SPG11: variants seen among roughly 807,000 people sequenced by gnomAD.
SPG11 encodes spatacsin.
In SPG11, 222 loss-of-function variants were observed where a neutral mutation model predicts 274.0. The observed-to-expected ratio is 0.81, with a 90% confidence interval of 0.73 to 0.91. The LOEUF is 0.91. Ranked by LOEUF, SPG11 falls within the 40% of genes least tolerant of loss-of-function variation. The pLI is 0.00. For missense variants in SPG11, 3,114 were observed against 2,872.7 expected (o/e 1.08, Z -1.92); for synonymous variants, 1,144 against 1,039.7 (o/e 1.10, Z -1.93).
intron 37 of SPG11, 55 bp from the exon 38 acceptor site, chr15:44,566,064 G>T: frequency 6.2e-7 from 1 of 1,607,700 alleles, no homozygotes; most frequent in Admixed American, 1.7e-5. Flanking sequence ...GTCACCTCCT[G>T]TGTGAACCCT....
chr15:44,581,060 GA>G (rs981786082), intron 30 of SPG11, among the ~76,000 whole-genome samples: 2 of 148,682 alleles, frequency 1.3e-5, no homozygotes, highest in Non-Finnish European at 3.0e-5. Flanking sequence ...ACCAACAACA[GA>G]AAAAAAAACA....
rs769665532 is a variant in SPG11 at position 44,598,286 on chromosome 15, A to G, written c.3980T>C (p.Ile1327Thr). The change falls in exon 23 of 40, where the codon ATT becomes ACT. Residue 1327 changes from isoleucine (I) to threonine (T), a missense_variant. Transcript: ENST00000261866. ...AAACCTCTTTATTTCCTGTTGCTGA[A>G]TGCTGTTCCATGTACCTTCTTCTAA... ...VLLEEGTWNS[I>T]QQQEIKRLSS... is the part of the protein sequence containing the mutation. 2.8e-5 allele frequency: 45 copies of G among 1,613,564 alleles called. No homozygotes were observed. Among genetic ancestry groups the G allele is most frequent in the Non-Finnish European group, 3.7e-5 (44 of 1,179,594 alleles).
intron 28 of SPG11, 133 bp from the exon 29 acceptor site, chr15:44,585,983 GTTT>G (rs71111868): frequency 4.2e-3 from 1,392 of 333,668 alleles, no homozygotes; most frequent in Middle Eastern, 9.4e-3. Context: ...ATAAAAAGCT[GTTT>G]TTTTTTTTTT....
At chr15:44,575,475 C>T (rs557324334) in intron 30 of SPG11, among the ~76,000 whole-genome samples, 1 of 151,886 alleles carries the variant, frequency 6.6e-6, no homozygotes, top group Non-Finnish European at 1.5e-5. Flanking sequence ...CCCTCACCCC[C>T]AGTCGGTCTC....
intron 27 of SPG11, among the ~76,000 whole-genome samples, chr15:44,592,092 C>G (rs991540441): frequency 1.4e-5 from 2 of 142,358 alleles, no homozygotes; most frequent in African/African-American, 5.3e-5. Context: ...GCCTGGGCGA[C>G]AGAGCCAGAC....
chr15:44,573,514 A>G (rs776910502), intron 32 of SPG11, 33 bp downstream of exon 32: 112 of 1,609,810 alleles, frequency 7.0e-5, no homozygotes, highest in Non-Finnish European at 9.4e-5. Flanking sequence ...GAATGCTGTC[A>G]GAGAGGTTGG....
rs2140999797 is a variant in SPG11 at position 44,608,567 on chromosome 15, TTTC to T, written c.3327_3329del (p.Lys1110del). The T allele has an allele frequency of 6.2e-7, 1 of 1,614,106 alleles. No individual in the cohort carries two copies. On this transcript the variant is annotated inframe_deletion, in exon 19 of 40. Transcript: ENST00000261866. ...CCATCTTCAATAGCTGGGGATCCAC[TTTC>T]TTCAAACAGTTTTCATTTTCTTCAT... is the stretch of plus-strand genomic sequence containing the variant.
rs1425744386 is a variant in SPG11 at position 44,596,788 on chromosome 15, G to A, written c.4157C>T (p.Ala1386Val). The change falls in exon 24 of 40, where the codon GCA becomes GTA. Residue 1386 changes from alanine (A) to valine (V), a missense_variant. By Grantham distance (64) the Ala-to-Val change is moderately conservative. Transcript: ENST00000261866. ...TGCTAACAATTAGTGGCTTACCTCT[G>A]CTGGGTGGTAGTTGTGGAGTTGGCT... ...IHSQLHNYHPAEVKSLIQYFS... is the reference protein window; with the variant it reads ...IHSQLHNYHPVEVKSLIQYFS... The A allele has an allele frequency of 2.5e-6, 4 of 1,612,856 alleles. No individual in the cohort carries two copies. The East Asian group carries it at 8.9e-5, about 36-fold the overall frequency.
At chr15:44,573,516 A>G in intron 32 of SPG11, 31 bp downstream of exon 32, 1 of 1,611,236 alleles carries the variant, frequency 6.2e-7, no homozygotes, top group Non-Finnish European at 8.5e-7. Context: ...ATGCTGTCAG[A>G]GAGGTTGGGA....
intron 7 of SPG11, among the ~76,000 whole-genome samples, chr15:44,641,482 A>T (rs1298792240): frequency 6.6e-6 from 1 of 152,010 alleles, no homozygotes; most frequent in Non-Finnish European, 1.5e-5. Context: ...TATCTAGAGA[A>T]TATCCAACAC....
intron 21 of SPG11, 168 bp downstream of exon 21, chr15:44,600,299 G>T: frequency 8.1e-5 from 53 of 650,398 alleles, no homozygotes; most frequent in Non-Finnish European, 1.1e-4. Flanking sequence ...TACTTTTTTT[G>T]TTTTAGTGGC....
chr15:44,662,048 T>C (rs940202970), intron 1 of SPG11, among the ~76,000 whole-genome samples: 1 of 152,196 alleles, frequency 6.6e-6, no homozygotes, highest in Non-Finnish European at 1.5e-5. Flanking sequence ...CCTAAAGATT[T>C]CGGCTTTTCT....
chr15:44,660,493 T>C lies in SPG11; in HGVS notation c.381A>G (p.Ala127=), dbSNP rs369234511. The part of the protein sequence containing the change: ...EFNLKDGRCD[A]TILYSCSREA... The stretch of plus-strand genomic sequence containing the variant: ...CCCTACTACAGCTATACAAAATGGT[T>C]GCATCACATCTTCCATCTTTCAAAT... Residue 127 remains alanine, a synonymous_variant, in exon 2 of 40, where the codon GCA becomes GCG. Coordinates refer to ENST00000261866, the MANE Select transcript of SPG11 (RefSeq NM_025137.4). The C allele has an allele frequency of 8.5e-5, 137 of 1,614,160 alleles. No homozygotes were observed. The highest frequency in any genetic ancestry group is 1.2e-4 in the Admixed American group (7 of 60,034).
chr15:44,628,606 C>A, intron 10 of SPG11, 63 bp downstream of exon 10: 1 of 1,427,978 alleles, frequency 7.0e-7, no homozygotes, highest in Non-Finnish European at 9.8e-7. Context: ...CTGTTTCTTT[C>A]TATTGTTTTC....
At chr15:44,631,691 G>C (rs998171370) in intron 8 of SPG11, among the ~76,000 whole-genome samples, 1 of 147,632 alleles carries the variant, frequency 6.8e-6, no homozygotes, top group African/African-American at 2.5e-5. Flanking sequence ...TAAAAATAGA[G>C]GCTGAGTCTC....
In SPG11 at chr15:44,625,351, T is replaced by G. The variant is rs374314385; in HGVS notation, c.2244+980A>C. ...TTGGATCTGTGCCCCTGCCCAAATCTCATGTTGAATTGTAACCCCCAATGT... is the reference window on the plus strand; with the variant it reads ...TTGGATCTGTGCCCCTGCCCAAATCGCATGTTGAATTGTAACCCCCAATGT... On this transcript the variant is annotated intron_variant, in intron 11 of 39. Coordinates refer to ENST00000261866, the MANE Select transcript of SPG11 (RefSeq NM_025137.4). 6.6e-5 allele frequency among the ~76,000 whole-genome samples: 10 copies of G among 152,202 alleles called. No homozygotes were observed. The East Asian group carries it at 1.9e-3, about 29-fold the overall frequency.
At chr15:44,600,138 GAC>G (rs980459042) in intron 21 of SPG11, 2 of 205,964 alleles carry the variant, frequency 9.7e-6, no homozygotes, top group Admixed American at 1.1e-4. Flanking sequence ...AAAAACTTAG[GAC>G]ACACAGGGAA....
At chr15:44,628,970 T>C (rs2083980569) in intron 9 of SPG11, 126 bp from the exon 10 acceptor site, 1 of 1,018,220 alleles carries the variant, frequency 9.8e-7, no homozygotes, top group South Asian at 1.3e-5. Flanking sequence ...ACAATATGTC[T>C]GAGGATTTTC....
chr15:44,620,178 C>T lies in SPG11; in HGVS notation c.2834+12G>A. On this transcript the variant is annotated intron_variant, in intron 15 of 39. Coordinates refer to ENST00000261866, the MANE Select transcript of SPG11 (RefSeq NM_025137.4). ...TTCTTCCCATTGGGTATTAGTTCAA[C>T]AGTTATAATACCTGGCCAGCTTATC... The T allele has an allele frequency of 6.3e-7, 1 of 1,595,116 alleles. No individual in the cohort carries two copies. Among genetic ancestry groups the T allele is most frequent in the Non-Finnish European group, 8.6e-7 (1 of 1,163,040 alleles).
Sources: gnomAD v4.1 joint callset for allele counts (sites outside exome capture counted in the v4.1 genomes callset) on GRCh38, gnomAD v4.1.1 for gene constraint, MANE v1.5 for transcripts, NCBI Gene and HGNC (gene_info 2026-07-23, HGNC 2026-07-21) for gene names.